Variants in PCNX1 observed in about 807,000 individuals in gnomAD.
PCNX1 encodes pecanex 1, also known as pecanex-like protein 1.
PCNX1 carries 78 observed loss-of-function variants against 242.2 expected under a neutral mutation model. That is an observed-to-expected ratio of 0.32 (90% CI 0.27 to 0.39). The LOEUF (loss-of-function observed/expected upper bound fraction) is 0.39. PCNX1 is among the 10% of genes least tolerant of loss of function. The pLI is 1.00. For synonymous variants in PCNX1, 1,024 were observed against 1,032.9 expected (o/e 0.99, Z 0.17); for missense variants, 2,581 against 2,856.5 (o/e 0.90, Z 2.20).
intron 2 of PCNX1, among the ~76,000 whole-genome samples, chr14:70,951,206 A>T (rs2057764647): frequency 6.6e-6 from 1 of 152,034 alleles, no homozygotes; most frequent in South Asian, 2.1e-4. Context: ...TATACTGTAT[A>T]TACTTATGCT....
chr14:70,929,336 C>T (rs1269387580), intron 1 of PCNX1, among the ~76,000 whole-genome samples: 1 of 151,914 alleles, frequency 6.6e-6, no homozygotes, highest in Non-Finnish European at 1.5e-5. Context: ...AGGCTAGGTG[C>T]CCCCTGACCC....
chr14:70,983,210 T>C (rs2058892856), intron 6 of PCNX1, among the ~76,000 whole-genome samples: 1 of 152,230 alleles, frequency 6.6e-6, no homozygotes, highest in Non-Finnish European at 1.5e-5. Context: ...CCTATAAAAG[T>C]ATAAGTAATA....
intron 2 of PCNX1, among the ~76,000 whole-genome samples, chr14:70,949,254 CACACACACGTGTATGCACACACGTGTAT>C (rs143370757): frequency 0.58 from 69,703 of 120,650 alleles, 17,172 homozygotes; most frequent in South Asian, 0.62. Context: ...CACGTGTATA[CACACACACGTGTATGCACACACGTGTAT>C]ACACACACGT....
chr14:71,007,445 A>G (rs1220904033), intron 8 of PCNX1, among the ~76,000 whole-genome samples: 1 of 152,178 alleles, frequency 6.6e-6, no homozygotes, highest in African/African-American at 2.4e-5. Flanking sequence ...GCTGAGAAAT[A>G]CTGCAACAAT....
chr14:71,022,290 T>A (rs1420315256), intron 12 of PCNX1, among the ~76,000 whole-genome samples: 2 of 152,184 alleles, frequency 1.3e-5, no homozygotes, highest in Non-Finnish European at 2.9e-5. Flanking sequence ...CATGGTCCAA[T>A]TAATTTTGTC....
chr14:70,914,145 C>A (rs2056049648), intron 1 of PCNX1, among the ~76,000 whole-genome samples: 1 of 151,920 alleles, frequency 6.6e-6, no homozygotes, highest in Non-Finnish European at 1.5e-5. Context: ...ATTTGGATAC[C>A]CACAGATACA....
chr14:70,933,849 T>C (rs556504041), intron 1 of PCNX1, among the ~76,000 whole-genome samples: 1 of 152,334 alleles, frequency 6.6e-6, no homozygotes, highest in East Asian at 1.9e-4. Flanking sequence ...TTAGATTTAA[T>C]TGATAATCAC....
chr14:70,968,984 A>T (rs570604357), intron 4 of PCNX1, 37 bp from the exon 5 acceptor site: 3 of 1,171,408 alleles, frequency 2.6e-6, no homozygotes, highest in African/African-American at 3.0e-5. Flanking sequence ...CCTTACTGTT[A>T]ATATAAGGTC....
intron 12 of PCNX1, 83 bp from the exon 13 acceptor site, chr14:71,023,117 C>T: frequency 1.0e-6 from 1 of 971,392 alleles, no homozygotes; most frequent in Admixed American, 1.7e-5. Flanking sequence ...TACTTAAAAT[C>T]ATTCATTTCA....
chr14:70,993,221 C>T (rs1489495658), intron 7 of PCNX1, among the ~76,000 whole-genome samples: 2 of 150,878 alleles, frequency 1.3e-5, no homozygotes, highest in Non-Finnish European at 3.0e-5. Context: ...CCCGGGTTCA[C>T]GCCATTCTCC....
chr14:71,016,109 G>A (rs1010529960), intron 11 of PCNX1, among the ~76,000 whole-genome samples: 4 of 152,204 alleles, frequency 2.6e-5, no homozygotes, highest in Non-Finnish European at 5.9e-5. Context: ...AGTACTGGCT[G>A]TATTAAAGTC....
At position 71,103,305 on chromosome 14, in the gene PCNX1, T is replaced by C. The variant is rs551175506; in HGVS notation, c.5821-90T>C. ...CTTTTCACAACTGGTTATCATAATA[T>C]CTTTTGTATTCCTCCCATTTCTGCT... On this transcript the variant is annotated intron_variant, in intron 31 of 35. Coordinates refer to ENST00000304743, the MANE Select transcript of PCNX1 (RefSeq NM_014982.3). The C allele has an allele frequency of 1.3e-5, 18 of 1,361,376 alleles. No individual in the cohort carries two copies. The South Asian group carries it at 2.1e-4, about 16-fold the overall frequency. 84.3% of individuals were successfully genotyped at this position (1,361,376 alleles called of 1,614,324 possible).
chr14:70,948,833 TAAATA>T (rs1374988979), intron 2 of PCNX1, among the ~76,000 whole-genome samples: 3 of 146,340 alleles, frequency 2.1e-5, no homozygotes, highest in African/African-American at 7.8e-5. Context: ...TTTACTCGTA[TAAATA>T]AAATGTATGT....
chr14:71,041,861 A>G (rs974714409), intron 19 of PCNX1, among the ~76,000 whole-genome samples: 9 of 151,708 alleles, frequency 5.9e-5, no homozygotes, highest in Non-Finnish European at 1.2e-4. Context: ...GCTATATTCC[A>G]TAGGTTTTAG....
At chr14:71,032,132 C>T (rs985135659) in intron 16 of PCNX1, among the ~76,000 whole-genome samples, 1 of 152,226 alleles carries the variant, frequency 6.6e-6, no homozygotes, top group Admixed American at 6.5e-5. Flanking sequence ...CTCCCAGAGG[C>T]TTGACTTACT....
chr14:71,108,505 A>T, intron 33 of PCNX1, 99 bp from the exon 34 acceptor site: 1 of 875,958 alleles, frequency 1.1e-6, no homozygotes, highest in Non-Finnish European at 1.8e-6. Flanking sequence ...TCAGTTCACC[A>T]ATTAATTGCT....
At chr14:71,034,657 TCA>T (rs2060480662) in intron 18 of PCNX1, among the ~76,000 whole-genome samples, 1 of 152,202 alleles carries the variant, frequency 6.6e-6, no homozygotes, top group Non-Finnish European at 1.5e-5. Flanking sequence ...AATCTTTTTC[TCA>T]GTTTTAGGTC....
chr14:71,103,356 T>G (rs371701277), intron 31 of PCNX1, 39 bp from the exon 32 acceptor site: 3 of 1,599,894 alleles, frequency 1.9e-6, no homozygotes, highest in African/African-American at 1.3e-5. Context: ...ATTTTATTCT[T>G]GGCCCCTTAA....
chr14:71,090,947 G>T (rs781470322), intron 30 of PCNX1, among the ~76,000 whole-genome samples: 3 of 152,134 alleles, frequency 2.0e-5, no homozygotes, highest in Non-Finnish European at 4.4e-5. Flanking sequence ...TTTGGCTGTG[G>T]CATTATTGCC....
Sources: allele counts gnomAD v4.1 joint callset (sites outside exome capture counted in the v4.1 genomes callset), GRCh38; gene constraint gnomAD v4.1.1; transcripts MANE v1.5; gene names NCBI Gene and HGNC (gene_info 2026-07-23, HGNC 2026-07-21).